CBLL1: variants seen among roughly 807,000 people sequenced by gnomAD.
The protein encoded by CBLL1 is E3 ubiquitin-protein ligase Hakai.
Under a neutral mutation model 44.9 loss-of-function variants are expected in CBLL1, and 4 were observed. The ratio of observed to expected loss-of-function variants is 0.09; its 90% CI spans 0.04 to 0.20. The LOEUF is 0.20. CBLL1 is among the 10% of genes least tolerant of loss of function. CBLL1 has a pLI of 1.00. For synonymous variants in CBLL1, 235 were observed against 202.2 expected (o/e 1.16, Z -1.38); for missense variants, 569 against 636.7 (o/e 0.89, Z 1.14).
intron 2 of CBLL1, among the ~76,000 whole-genome samples, chr7:107,750,856 T>TTGTA (rs1793253397): frequency 6.6e-6 from 1 of 151,936 alleles, no homozygotes; most frequent in African/African-American, 2.4e-5. Context: ...AGTTGAGTAA[T>TTGTA]TGTGATTGAG....
intron 5 of CBLL1, among the ~76,000 whole-genome samples, chr7:107,756,496 A>G (rs11980149): frequency 0.45 from 67,802 of 152,016 alleles, 15,337 homozygotes; most frequent in East Asian, 0.63. Context: ...CAGAAGAATT[A>G]AGACATTAGA....
rs1045252088 is a variant in CBLL1, at chr7:107,760,682, A to G, written c.*1504A>G. ...AACATGAAATATGTAGTATGCAGAT[A>G]TCATTTATTAGATAGTTTGTAGTGT... On this transcript the variant is annotated 3_prime_UTR_variant, in exon 6 of 6. Transcript: ENST00000440859. The G allele has an allele frequency of 2.0e-5, 3 of 152,220 alleles. No homozygotes were observed. Among genetic ancestry groups the G allele is most frequent in the African/African-American group, 7.2e-5 (3 of 41,444 alleles). 9.4% of individuals were successfully genotyped at this position (152,220 alleles called of 1,614,324 possible).
rs867507904 is a variant in CBLL1, at chr7:107,761,454, G to A, written c.*2276G>A. 6.6e-6 allele frequency: 1 copy of A among 152,300 alleles called. No individual in the cohort carries two copies. Among genetic ancestry groups the A allele is most frequent in the South Asian group, 2.1e-4 (1 of 4,832 alleles). The allele number at this position is 152,300 out of a possible 1,614,324, so 9.4% of individuals were successfully genotyped here. A position where few individuals can be genotyped will look rare whatever the true frequency, so the allele number is the denominator to read the frequency against. On this transcript the variant is annotated 3_prime_UTR_variant, in exon 6 of 6. Transcript: ENST00000440859. ...ACTTGAATTCATCAATTGTTTGAATGAGGGTGGGTGGGTAGAAGGATAACA... is the reference window on the plus strand; with the variant it reads ...ACTTGAATTCATCAATTGTTTGAATAAGGGTGGGTGGGTAGAAGGATAACA...
At chr7:107,757,351 G>T (rs1793572605) in intron 5 of CBLL1, among the ~76,000 whole-genome samples, 1 of 152,010 alleles carries the variant, frequency 6.6e-6, no homozygotes, top group Non-Finnish European at 1.5e-5. Context: ...CTCAAAAATG[G>T]TTCAATGACT....
intron 4 of CBLL1, among the ~76,000 whole-genome samples, chr7:107,754,360 C>A (rs1793436269): frequency 5.9e-5 from 9 of 151,766 alleles, no homozygotes. Context: ...TTTATAATTT[C>A]TCTTTTTTTC....
Position 107,753,452 on chromosome 7 carries a change from G to T in CBLL1, c.223G>T (p.Gly75Trp), listed in dbSNP as rs747093711. 8.8e-6 allele frequency: 14 copies of T among 1,592,374 alleles called. No homozygotes were observed. In the South Asian group the frequency reaches 1.6e-4, roughly 18 times the overall value. ...TGAAGAAGAACGGTATGACTGTAAA[G>T]GGGGTGAGCTGTTTGCAAATCAGCG... ...YNEEERYDCK[G>W]GELFANQRRF... Residue 75 changes from glycine to tryptophan, a missense_variant, in exon 3 of 6, where the codon GGG becomes TGG. Physicochemically the swap from Gly to Trp is radical, Grantham distance 184. This residue lies in a region of CBLL1 where 209 missense variants were observed against 202.8 expected (regional missense o/e 1.03). Transcript: ENST00000440859.
intron 1 of CBLL1, chr7:107,744,724 T>G (rs939989612): frequency 6.5e-6 from 1 of 153,658 alleles, no homozygotes; most frequent in Non-Finnish European, 1.4e-5. Flanking sequence ...TCGGAGCAGT[T>G]TTTCTACCTA....
At chr7:107,745,173 A>G (rs1342921794) in intron 1 of CBLL1, among the ~76,000 whole-genome samples, 3 of 152,242 alleles carry the variant, frequency 2.0e-5, no homozygotes, top group Non-Finnish European at 2.9e-5. Context: ...ATGGAGGAAC[A>G]CAGACAATAC....
chr7:107,760,723 ACTT>A lies in CBLL1; in HGVS notation c.*1549_*1551del, dbSNP rs1447534780. ...TTTGTAGTGTATACATTTAGAACAT[ACTT>A]CTTTTGACAAAGGGTGATCTGATTG... On this transcript the variant is annotated 3_prime_UTR_variant, in exon 6 of 6. Transcript: ENST00000440859. 2 of 152,208 alleles carry A rather than the reference ACTT, an allele frequency of 1.3e-5. No individual in the cohort carries two copies. The highest frequency in any genetic ancestry group is 4.8e-5 in the African/African-American group (2 of 41,456). 9.4% of individuals were successfully genotyped at this position (152,208 alleles called of 1,614,324 possible).
chr7:107,744,180 A>AGGAGGC lies in CBLL1; in HGVS notation c.13+11_13+16dup. On this transcript the variant is annotated splice_donor_region_variant and intron_variant, in intron 1 of 5. Coordinates refer to ENST00000440859, the MANE Select transcript of CBLL1 (RefSeq NM_024814.4). ...AGCCGAATCATGGATCACACTGGTAAGGAGGCGGAGGCAGTGGGGGTCCCG... is the reference window on the plus strand; with the variant it reads ...AGCCGAATCATGGATCACACTGGTAAGGAGGCGGAGGCGGAGGCAGTGGGGGTCCCG... 6.4e-7 allele frequency: 1 copy of AGGAGGC among 1,551,368 alleles called. No homozygotes were observed. The highest frequency in any genetic ancestry group is 2.4e-5 in the East Asian group (1 of 41,262).
Position 107,759,210 on chromosome 7 carries a change from G to GA in CBLL1, c.*39dup, listed in dbSNP as rs140265004. On this transcript the variant is annotated 3_prime_UTR_variant, in exon 6 of 6. Transcript: ENST00000440859. The stretch of plus-strand genomic sequence containing the variant: ...TATTTTGAATGGAAGATATGAGGGG[G>GA]AAAAAAACTTATGTGTAGTCAATCT... 3 of 1,524,650 alleles carry GA rather than the reference G, an allele frequency of 2.0e-6. No homozygotes were observed. Among genetic ancestry groups the GA allele is most frequent in the South Asian group, 1.3e-5 (1 of 78,980 alleles). 94.4% of individuals were successfully genotyped at this position (1,524,650 alleles called of 1,614,324 possible).
chr7:107,749,960 G>T (rs559268630), intron 2 of CBLL1, among the ~76,000 whole-genome samples: 30 of 147,418 alleles, frequency 2.0e-4, no homozygotes, highest in African/African-American at 7.4e-4. Context: ...TTGTTTGTTT[G>T]TTTTTGTTTT....
At chr7:107,756,323 A>G (rs1357664024) in intron 5 of CBLL1, among the ~76,000 whole-genome samples, 1 of 152,150 alleles carries the variant, frequency 6.6e-6, no homozygotes, top group Non-Finnish European at 1.5e-5. Flanking sequence ...ATTCCCTTTT[A>G]TGGTGTAGGA....
chr7:107,752,045 A>G (rs1793319936), intron 2 of CBLL1, among the ~76,000 whole-genome samples: 2 of 151,816 alleles, frequency 1.3e-5, no homozygotes, highest in African/African-American at 4.8e-5. Context: ...TAAAAATACA[A>G]AAAATTAGCT....
rs35541335 is a variant in CBLL1 at position 107,750,980 on chromosome 7, CT to C, written c.181+1945del. 2.9e-3 allele frequency among the ~76,000 whole-genome samples: 411 copies of C among 141,726 alleles called. 3 individuals carry two copies. The East Asian group carries it at 0.036, about 12-fold the overall frequency. The allele number at this position is 141,726 out of a possible 152,430, so 93.0% of individuals were successfully genotyped here. ...TAAGGGGAAAAAAGGTGGGGTCTGG[CT>C]TTTTTTTTTTTCCCTCGAAACATTG... On this transcript the variant is annotated intron_variant, in intron 2 of 5. Coordinates refer to ENST00000440859, the MANE Select transcript of CBLL1 (RefSeq NM_024814.4).
chr7:107,759,205 A>AG lies in CBLL1; in HGVS notation c.*32dup, dbSNP rs1224973645. On this transcript the variant is annotated 3_prime_UTR_variant, in exon 6 of 6. Transcript: ENST00000440859. ...AATAGTATTTTGAATGGAAGATATG[A>AG]GGGGGAAAAAAACTTATGTGTAGTC... The AG allele has an allele frequency of 4.5e-6, 7 of 1,539,958 alleles. No individual in the cohort carries two copies. Among genetic ancestry groups the AG allele is most frequent in the African/African-American group, 1.4e-5 (1 of 72,546 alleles).
At chr7:107,750,886 G>A (rs536913990) in intron 2 of CBLL1, among the ~76,000 whole-genome samples, 7 of 135,756 alleles carry the variant, frequency 5.2e-5, no homozygotes, top group Admixed American at 1.5e-4. Context: ...TCCACAAAGC[G>A]TAAATATTTA....
chr7:107,756,186 G>GAT (rs1243351933), intron 5 of CBLL1, among the ~76,000 whole-genome samples: 1 of 152,160 alleles, frequency 6.6e-6, no homozygotes, highest in East Asian at 1.9e-4. Flanking sequence ...GAAGGCTTAA[G>GAT]AAAGAATGAA....
chr7:107,752,334 C>T (rs1318040341), intron 2 of CBLL1, among the ~76,000 whole-genome samples: 2 of 151,954 alleles, frequency 1.3e-5, no homozygotes, highest in African/African-American at 4.8e-5. Flanking sequence ...AGCATCCTGA[C>T]TTTGGATTAT....
Sources: allele counts gnomAD v4.1 joint callset (sites outside exome capture counted in the v4.1 genomes callset), GRCh38; gene constraint gnomAD v4.1.1; regional missense constraint gnomAD v4.1.1; transcripts MANE v1.5; gene names NCBI Gene and HGNC (gene_info 2026-07-23, HGNC 2026-07-21).